TIAM1: variants seen among roughly 807,000 people sequenced by gnomAD.
TIAM1 encodes rho guanine nucleotide exchange factor TIAM1.
Under a neutral mutation model 163.5 loss-of-function variants are expected in TIAM1, and 65 were observed. The ratio of observed to expected loss-of-function variants is 0.40; its 90% CI spans 0.33 to 0.49. The LOEUF (loss-of-function observed/expected upper bound fraction) is 0.49, where lower values mean the gene tolerates loss of function less well. TIAM1 is among the 20% of genes least tolerant of loss of function. TIAM1 has a pLI of 0.77. For missense variants in TIAM1, 1,789 were observed against 2,044.7 expected (o/e 0.87, Z 2.41); for synonymous variants, 833 against 810.1 (o/e 1.03, Z -0.48).
intron 3 of TIAM1, among the ~76,000 whole-genome samples, chr21:31,268,873 T>A (rs1430794326): frequency 6.6e-6 from 1 of 152,218 alleles, no homozygotes; most frequent in African/African-American, 2.4e-5. Flanking sequence ...TTTATTTTTT[T>A]AAAGTACATA....
chr21:31,144,146 T>A (rs764419151), intron 20 of TIAM1, among the ~76,000 whole-genome samples: 2 of 152,194 alleles, frequency 1.3e-5, no homozygotes, highest in Non-Finnish European at 2.9e-5. Context: ...TGGCATCATT[T>A]CTTGTCTTTC....
In TIAM1 at chr21:31,181,775, T is replaced by C. The variant is rs1247927080; in HGVS notation, c.2887+646A>G. Among the ~76,000 whole-genome samples, 170 of 64,140 alleles carry C rather than the reference T, an allele frequency of 2.7e-3. 11 individuals are homozygous for C. The highest frequency in any genetic ancestry group is 0.013 in the African/African-American group (149 of 11,276). 42.1% of individuals were successfully genotyped at this position (64,140 alleles called of 152,430 possible). A position where few individuals can be genotyped will look rare whatever the true frequency, so the allele number is the denominator to read the frequency against. The stretch of plus-strand genomic sequence containing the variant: ...CTTCTTCTTTTTTTTTTTTTTTTTT[T>C]TTTTTTTTTTTTTTTTTTTTTTTTT... On this transcript the variant is annotated intron_variant, in intron 15 of 27. Coordinates refer to ENST00000541036, the MANE Select transcript of TIAM1 (RefSeq NM_001353694.2).
chr21:31,366,458 T>C (rs878929052), intron 2 of TIAM1, among the ~76,000 whole-genome samples: 1 of 152,204 alleles, frequency 6.6e-6, no homozygotes, highest in Admixed American at 6.5e-5. Context: ...AACACACTCC[T>C]GGTTCCTTTT....
intron 4 of TIAM1, among the ~76,000 whole-genome samples, chr21:31,260,108 C>CTTT (rs563555244): frequency 3.8e-5 from 5 of 131,194 alleles, no homozygotes; most frequent in Admixed American, 1.6e-4. Context: ...CTAATTTTTC[C>CTTT]TTTTTTTTTT....
chr21:31,410,487 G>C (rs117064748), intron 2 of TIAM1, among the ~76,000 whole-genome samples: 1,927 of 97,190 alleles, frequency 0.02, 25 homozygotes, highest in Middle Eastern at 0.058. Flanking sequence ...CTGTGTAAGA[G>C]TGTGTGTGAT....
intron 2 of TIAM1, among the ~76,000 whole-genome samples, chr21:31,291,523 G>A (rs1268885104): frequency 2.0e-5 from 3 of 151,584 alleles, no homozygotes; most frequent in African/African-American, 7.3e-5. Context: ...TTATTTATTT[G>A]TTTATTTATT....
chr21:31,237,716 C>T (rs750963490), intron 6 of TIAM1, among the ~76,000 whole-genome samples: 2 of 152,174 alleles, frequency 1.3e-5, no homozygotes, highest in Admixed American at 1.3e-4. Flanking sequence ...TATATAACTG[C>T]ATATGATTTT....
chr21:31,454,822 T>C (rs573259035), intron 2 of TIAM1, among the ~76,000 whole-genome samples: 314 of 152,292 alleles, frequency 2.1e-3, no homozygotes, highest in Non-Finnish European at 3.2e-3. Flanking sequence ...TTCATGTGTG[T>C]GAAGATGTAA....
rs1299657525 is a variant in TIAM1 at position 31,388,626 on chromosome 21, C to G, written c.-368-49204G>C. ...TAAGCCATGATCATGCCACTGCATT[C>G]CAGCCTGGGTGACTGAGCAAAACCT... On this transcript the variant is annotated intron_variant, in intron 2 of 28. Coordinates refer to the TIAM1 transcript ENST00000286827. 2.0e-5 allele frequency among the ~76,000 whole-genome samples: 3 copies of G among 151,920 alleles called. No individual in the cohort carries two copies. The East Asian group carries it at 5.8e-4, about 29-fold the overall frequency.
At chr21:31,294,653 A>G (rs1166277152) in intron 2 of TIAM1, among the ~76,000 whole-genome samples, 2 of 152,240 alleles carry the variant, frequency 1.3e-5, no homozygotes, top group Non-Finnish European at 2.9e-5. Context: ...AAAGAGAAAA[A>G]ACATGATTGT....
At chr21:31,190,121 A>C (rs2284479) in intron 13 of TIAM1, among the ~76,000 whole-genome samples, 12,336 of 152,228 alleles carry the variant, frequency 0.081, 676 homozygotes, top group Admixed American at 0.19. Flanking sequence ...TGATGAAACT[A>C]AGGTCGGGCG....
chr21:31,522,833 AAAC>A (rs1299029248), intron 1 of TIAM1, among the ~76,000 whole-genome samples: 10 of 152,236 alleles, frequency 6.6e-5, no homozygotes, highest in East Asian at 5.8e-4. Context: ...TGACCAATTA[AAAC>A]AACATTTTTT....
chr21:31,487,048 C>T (rs779775008), intron 1 of TIAM1, among the ~76,000 whole-genome samples: 2 of 152,164 alleles, frequency 1.3e-5, no homozygotes, highest in African/African-American at 2.4e-5. Context: ...CTGGAGGTCA[C>T]GCCTAGCTTC....
chr21:31,296,749 T>C (rs1011605356), intron 2 of TIAM1, among the ~76,000 whole-genome samples: 6 of 152,000 alleles, frequency 3.9e-5, no homozygotes, highest in Non-Finnish European at 7.4e-5. Context: ...CTGCAACCTC[T>C]GCCTCCTGGG....
intron 2 of TIAM1, 133 bp downstream of exon 2, chr21:31,339,110 C>G (rs1274214100): frequency 2.7e-6 from 1 of 376,142 alleles, no homozygotes; most frequent in Non-Finnish European, 4.7e-6. Flanking sequence ...AACCCTTTAA[C>G]CACCAAAACA....
In TIAM1 at chr21:31,245,502, C is replaced by A. The variant is rs763826624; in HGVS notation, c.1570G>T (p.Ala524Ser). Residue 524 changes from alanine to serine, a missense_variant, in exon 6 of 28, where the codon GCC (alanine) becomes TCC (serine). Coordinates refer to ENST00000541036, the MANE Select transcript of TIAM1 (RefSeq NM_001353694.2). ...VFCLSNSLGD[A>S]FLFQTTSQTE... ...GCCCAACAAACCTGAAAAAGGAAGG[C>A]ATCACCCAGGGAATTGCTGAGGCAG... 1.3e-6 allele frequency: 2 copies of A among 1,513,246 alleles called. No homozygotes were observed. The highest frequency in any genetic ancestry group is 1.3e-5 in the South Asian group (1 of 75,798). 93.7% of individuals were successfully genotyped at this position (1,513,246 alleles called of 1,614,324 possible). A position where few individuals can be genotyped will look rare whatever the true frequency, so the allele number is the denominator to read the frequency against.
intron 20 of TIAM1, among the ~76,000 whole-genome samples, chr21:31,144,830 G>GAAAA (rs764835303): frequency 0.012 from 914 of 74,438 alleles, 8 homozygotes; most frequent in African/African-American, 0.021. Context: ...CTCCATCTCA[G>GAAAA]AAAAAAAAAA....
chr21:31,149,741 T>G (rs2083292786), intron 19 of TIAM1, among the ~76,000 whole-genome samples: 1 of 152,212 alleles, frequency 6.6e-6, no homozygotes, highest in African/African-American at 2.4e-5. Context: ...TTAAGCAGCT[T>G]TTTTGTTTAT....
intron 10 of TIAM1, among the ~76,000 whole-genome samples, chr21:31,210,795 A>AAAGG (rs2086838847): frequency 1.3e-5 from 2 of 148,396 alleles, no homozygotes; most frequent in African/African-American, 5.2e-5. Context: ...AGAAAGAAAG[A>AAAGG]AAGAAAGAAA....
Sources: gnomAD v4.1 joint callset for allele counts (sites outside exome capture counted in the v4.1 genomes callset) on GRCh38, gnomAD v4.1.1 for gene constraint, MANE v1.5 for transcripts, NCBI Gene and HGNC (gene_info 2026-07-23, HGNC 2026-07-21) for gene names.